ANKFN1: variants seen among roughly 807,000 people sequenced by gnomAD.
The protein encoded by ANKFN1 is ankyrin repeat and fibronectin type III domain containing 1, also known as ankyrin repeat and fibronectin type-III domain-containing protein 1.
In ANKFN1, 74 loss-of-function variants were observed where a neutral mutation model predicts 108.7. The ratio of observed to expected loss-of-function variants is 0.68; its 90% CI spans 0.56 to 0.83. The LOEUF (loss-of-function observed/expected upper bound fraction) is 0.83, where lower values mean the gene tolerates loss of function less well. Ranked by LOEUF, ANKFN1 falls within the 40% of genes least tolerant of loss-of-function variation. The pLI is 0.00. For missense variants in ANKFN1, 1,505 were observed against 1,382.3 expected, an observed-to-expected ratio of 1.09 and a Z score of -1.41; for synonymous variants, 547 against 516.2, an observed-to-expected ratio of 1.06 and a Z score of -0.81.
chr17:56,447,800 A>G (rs1400631632), intron 10 of ANKFN1, among the ~76,000 whole-genome samples: 1 of 152,230 alleles, frequency 6.6e-6, no homozygotes, highest in Non-Finnish European at 1.5e-5. Flanking sequence ...CAAAGTAGAT[A>G]CTATCCTCAT....
chr17:56,510,798 G>C lies in ANKFN1; in HGVS notation c.2970G>C (p.Gly990=). Residue 990 remains glycine, a synonymous_variant, in exon 21 of 21, where the codon GGG becomes GGC. Transcript: ENST00000682825. ...ACCACGCCAAGACTGTGTCCGGTGG[G>C]CGGCCCCCGCTAGGCTTCCTGGGAA... ...PKNHAKTVSG[G]RPPLGFLGKR... The C allele has an allele frequency of 6.5e-7, 1 of 1,536,120 alleles. No individual in the cohort carries two copies. The highest frequency in any genetic ancestry group is 8.7e-7 in the Non-Finnish European group (1 of 1,146,896).
At chr17:56,135,821 G>GAA in intron 4 of ANKFN1, among the ~76,000 whole-genome samples, 1 of 152,078 alleles carries the variant, frequency 6.6e-6, no homozygotes, top group Admixed American at 6.6e-5. Context: ...TTATATTCTA[G>GAA]TTTATTCAAG....
At chr17:56,114,040 C>T (rs1906126209) in intron 4 of ANKFN1, among the ~76,000 whole-genome samples, 1 of 152,172 alleles carries the variant, frequency 6.6e-6, no homozygotes, top group Non-Finnish European at 1.5e-5. Flanking sequence ...AGAGAAGTGA[C>T]TTTACCTAAG....
chr17:56,063,253 C>A (rs1905007113), intron 4 of ANKFN1, among the ~76,000 whole-genome samples: 1 of 152,070 alleles, frequency 6.6e-6, no homozygotes, highest in Admixed American at 6.6e-5. Flanking sequence ...TATAGTGTAT[C>A]TTAGTGGTGT....
intron 15 of ANKFN1, among the ~76,000 whole-genome samples, chr17:56,468,830 G>T (rs1185093999): frequency 6.6e-6 from 1 of 152,220 alleles, no homozygotes; most frequent in African/African-American, 2.4e-5. Flanking sequence ...GTATGTGCTT[G>T]TGTGAAGGAG....
At chr17:56,124,926 A>G (rs912516238) in intron 4 of ANKFN1, among the ~76,000 whole-genome samples, 4 of 152,188 alleles carry the variant, frequency 2.6e-5, no homozygotes, top group Middle Eastern at 3.4e-3. Flanking sequence ...TATTTCTGGG[A>G]TGGTCTCTAG....
intron 4 of ANKFN1, among the ~76,000 whole-genome samples, chr17:56,141,923 C>CTGTTTTTTT (rs1294074019): frequency 1.0e-5 from 1 of 95,654 alleles, no homozygotes; most frequent in African/African-American, 4.7e-5. Context: ...CGATGGTGTA[C>CTGTTTTTTT]TTTTTTTTTT....
intron 2 of ANKFN1, among the ~76,000 whole-genome samples, chr17:56,212,899 C>T (rs1316937866): frequency 1.3e-5 from 2 of 152,176 alleles, no homozygotes; most frequent in African/African-American, 4.8e-5. Flanking sequence ...ACATTTACTA[C>T]AAGTCATTGC....
At chr17:56,388,355 CT>C (rs2047334197) in intron 8 of ANKFN1, among the ~76,000 whole-genome samples, 2 of 152,130 alleles carry the variant, frequency 1.3e-5, no homozygotes, top group Admixed American at 1.3e-4. Flanking sequence ...TGGTCTCGAA[CT>C]TCTGACCTCT....
chr17:56,426,729 A>C (rs748154614), intron 8 of ANKFN1, among the ~76,000 whole-genome samples: 1 of 152,204 alleles, frequency 6.6e-6, no homozygotes, highest in Non-Finnish European at 1.5e-5. Flanking sequence ...AAAATAATAC[A>C]TATATCTTGC....
chr17:56,259,488 T>C (rs2043448356), intron 3 of ANKFN1, among the ~76,000 whole-genome samples: 1 of 152,178 alleles, frequency 6.6e-6, no homozygotes, highest in African/African-American at 2.4e-5. Context: ...TTTCTATGGA[T>C]TGTCCCTGTT....
intron 4 of ANKFN1, among the ~76,000 whole-genome samples, chr17:56,133,253 G>A (rs1907389893): frequency 6.6e-6 from 1 of 152,150 alleles, no homozygotes; most frequent in South Asian, 2.1e-4. Context: ...CTTTCCTCAA[G>A]TGAACAGGTT....
intron 4 of ANKFN1, among the ~76,000 whole-genome samples, chr17:56,053,982 G>GT (rs1904822433): frequency 6.6e-6 from 1 of 152,134 alleles, no homozygotes; most frequent in Non-Finnish European, 1.5e-5. Flanking sequence ...CTAATGTGTA[G>GT]TTTTTTATCC....
chr17:56,515,836 G>T lies in ANKFN1; in HGVS notation c.*4567G>T, dbSNP rs1680275368. ...TTCTATTTCCACTAATAATGACTTT[G>T]TAAAACAGTTATTCAAAAGGATGGT... On this transcript the variant is annotated 3_prime_UTR_variant, in exon 21 of 21. Coordinates refer to ENST00000682825, the MANE Select transcript of ANKFN1 (RefSeq NM_001370326.1). Among the ~76,000 whole-genome samples, 1 of 152,116 alleles carries T rather than the reference G, an allele frequency of 6.6e-6. No homozygotes were observed. The highest frequency in any genetic ancestry group is 2.4e-5 in the African/African-American group (1 of 41,418).
chr17:56,401,727 T>C (rs2047772628), intron 8 of ANKFN1, among the ~76,000 whole-genome samples: 1 of 152,038 alleles, frequency 6.6e-6, no homozygotes, highest in East Asian at 1.9e-4. Flanking sequence ...CTTCTTTGAA[T>C]GTTGAAGAGG....
intron 4 of ANKFN1, among the ~76,000 whole-genome samples, chr17:56,345,141 T>C (rs2046063308): frequency 2.0e-5 from 3 of 151,990 alleles, no homozygotes; most frequent in Admixed American, 2.0e-4. Flanking sequence ...GAACATGCAG[T>C]GTTTGGTTAT....
At chr17:56,157,710 G>C (rs1419552986) in intron 1 of ANKFN1, among the ~76,000 whole-genome samples, 5 of 152,164 alleles carry the variant, frequency 3.3e-5, no homozygotes, top group Non-Finnish European at 5.9e-5. Flanking sequence ...ACCTACTGAT[G>C]CATTCAGTCT....
intron 4 of ANKFN1, among the ~76,000 whole-genome samples, chr17:56,334,386 A>G (rs966594316): frequency 1.6e-4 from 24 of 152,142 alleles, no homozygotes; most frequent in African/African-American, 5.8e-4. Context: ...GATAATGTAT[A>G]TGTTCATTAT....
At chr17:56,438,619 G>C (rs552436876) in intron 8 of ANKFN1, among the ~76,000 whole-genome samples, 1 of 152,182 alleles carries the variant, frequency 6.6e-6, no homozygotes, top group African/African-American at 2.4e-5. Flanking sequence ...GAGTGCAGTG[G>C]TACAATCACA....
Sources: allele counts gnomAD v4.1 joint callset (sites outside exome capture counted in the v4.1 genomes callset), GRCh38; gene constraint gnomAD v4.1.1; transcripts MANE v1.5; gene names NCBI Gene and HGNC (gene_info 2026-07-23, HGNC 2026-07-21).